Variants in ABCA13 observed in about 807,000 individuals in gnomAD.
ABCA13 encodes ATP-binding cassette sub-family A member 13.
A neutral mutation model predicts 478.7 loss-of-function variants in ABCA13; 476 were observed. The ratio of observed to expected loss-of-function variants is 0.99; its 90% confidence interval spans 0.92 to 1.07. ABCA13 has a LOEUF of 1.07. Ranked by LOEUF, ABCA13 falls within the 50% of genes least tolerant of loss-of-function variation. The pLI, the probability that ABCA13 is intolerant of heterozygous loss-of-function variation, is 0.00. For synonymous variants in ABCA13, 2,252 were observed against 2,158.9 expected (o/e 1.04, Z -1.20); for missense variants, 6,060 against 5,910.6 (o/e 1.03, Z -0.83).
chr7:48,416,842 T>G (rs1036125926), intron 41 of ABCA13, among the ~76,000 whole-genome samples: 3 of 152,014 alleles, frequency 2.0e-5, no homozygotes, highest in African/African-American at 7.2e-5. Context: ...CTCTCTTCCC[T>G]ACAGAGCTCG....
intron 24 of ABCA13, among the ~76,000 whole-genome samples, chr7:48,311,537 AG>A (rs1173215308): frequency 1.3e-5 from 2 of 152,168 alleles, no homozygotes; most frequent in Admixed American, 6.5e-5. Context: ...ATGTGCACAA[AG>A]GTCCCCGATT....
At chr7:48,474,368 G>T (rs1827849683) in intron 45 of ABCA13, among the ~76,000 whole-genome samples, 1 of 152,158 alleles carries the variant, frequency 6.6e-6, no homozygotes, top group South Asian at 2.1e-4. Context: ...GCCAGGGAGA[G>T]AGAAATTAGG....
intron 58 of ABCA13, among the ~76,000 whole-genome samples, chr7:48,607,428 G>GA (rs71006569): frequency 1 from 152,281 of 152,282 alleles, 76,140 homozygotes; most frequent in Non-Finnish European, 1. Context: ...TGGAAATGCA[G>GA]AATCACCCAC....
At chr7:48,614,339 A>G (rs945190990) in intron 58 of ABCA13, among the ~76,000 whole-genome samples, 6 of 151,406 alleles carry the variant, frequency 4.0e-5, no homozygotes, top group African/African-American at 1.4e-4. Flanking sequence ...GTATAAGAAA[A>G]TACTGATTTT....
At chr7:48,403,541 G>A (rs978547904) in intron 38 of ABCA13, 142 bp from the exon 39 acceptor site, 19 of 809,658 alleles carry the variant, frequency 2.3e-5, no homozygotes, top group Non-Finnish European at 2.9e-5. Context: ...TGAGACTCAC[G>A]TGTGTGTAGC....
At chr7:48,644,569 A>G in intron 60 of ABCA13, 48 bp from the exon 61 acceptor site, 1 of 1,540,162 alleles carries the variant, frequency 6.5e-7, no homozygotes, top group Non-Finnish European at 8.7e-7. Context: ...ATTTTGTTTA[A>G]TAATGCTAGT....
At chr7:48,329,830 C>T (rs542028151) in intron 27 of ABCA13, among the ~76,000 whole-genome samples, 1 of 151,878 alleles carries the variant, frequency 6.6e-6, no homozygotes, top group Admixed American at 6.6e-5. Context: ...TCTATTCATT[C>T]ATCCATCTAT....
chr7:48,464,391 A>G (rs1009736339), intron 43 of ABCA13, among the ~76,000 whole-genome samples: 1 of 152,212 alleles, frequency 6.6e-6, no homozygotes, highest in African/African-American at 2.4e-5. Flanking sequence ...GTTTCTGGCC[A>G]CAGCTGTAGG....
At chr7:48,330,294 C>T (rs902561307) in intron 27 of ABCA13, among the ~76,000 whole-genome samples, 1 of 151,602 alleles carries the variant, frequency 6.6e-6, no homozygotes, top group Non-Finnish European at 1.5e-5. Flanking sequence ...TCTGTCCATT[C>T]ATCTATCCAT....
intron 47 of ABCA13, among the ~76,000 whole-genome samples, chr7:48,488,928 A>G (rs1829589992): frequency 6.6e-6 from 1 of 152,218 alleles, no homozygotes; most frequent in South Asian, 2.1e-4. Flanking sequence ...CTAACTGAGA[A>G]AGAAAAAAAA....
chr7:48,388,108 C>T, intron 36 of ABCA13, 149 bp downstream of exon 36: 1 of 805,206 alleles, frequency 1.2e-6, no homozygotes, highest in Admixed American at 3.5e-5. Flanking sequence ...TGGGAAACAG[C>T]TGCAAGCCCA....
chr7:48,482,460 C>T (rs925179885), intron 46 of ABCA13, among the ~76,000 whole-genome samples: 1 of 151,996 alleles, frequency 6.6e-6, no homozygotes, highest in Non-Finnish European at 1.5e-5. Context: ...CCACTGTAAC[C>T]TCCGCCTCCC....
At chr7:48,226,625 A>G (rs1186633434) in intron 5 of ABCA13, among the ~76,000 whole-genome samples, 4 of 152,206 alleles carry the variant, frequency 2.6e-5, no homozygotes, top group African/African-American at 4.8e-5. Context: ...AGTGTGGGGT[A>G]GTTGTTACTG....
chr7:48,422,245 A>C (rs1010876906), intron 41 of ABCA13, among the ~76,000 whole-genome samples: 7 of 150,496 alleles, frequency 4.7e-5, no homozygotes, highest in Non-Finnish European at 7.4e-5. Flanking sequence ...CAGTATTTTG[A>C]GGATTCTTCA....
At chr7:48,395,227 C>T (rs973943096) in intron 38 of ABCA13, among the ~76,000 whole-genome samples, 1 of 152,208 alleles carries the variant, frequency 6.6e-6, no homozygotes, top group Admixed American at 6.5e-5. Context: ...TTCACACACT[C>T]TCTCCAGTTG....
At chr7:48,561,332 A>C (rs1332057156) in intron 55 of ABCA13, among the ~76,000 whole-genome samples, 2 of 152,060 alleles carry the variant, frequency 1.3e-5, no homozygotes, top group Non-Finnish European at 2.9e-5. Flanking sequence ...TTTCTCTTTC[A>C]TAATGTTTAT....
At position 48,425,425 on chromosome 7, in the gene ABCA13, A is replaced by T. The variant is rs539702981; in HGVS notation, c.12460-2341A>T. 5.3e-5 allele frequency among the ~76,000 whole-genome samples: 8 copies of T among 152,360 alleles called. No individual in the cohort carries two copies. In the East Asian group the frequency reaches 1.5e-3, roughly 29 times the overall value. On this transcript the variant is annotated intron_variant, in intron 41 of 61. Transcript: ENST00000435803. ...AAGATATAAAGGAAAATCTTTAGTCAATGAATAATTCTTGATTTTCACTAT... is the reference window on the plus strand; with the variant it reads ...AAGATATAAAGGAAAATCTTTAGTCTATGAATAATTCTTGATTTTCACTAT...
intron 45 of ABCA13, among the ~76,000 whole-genome samples, chr7:48,476,621 C>T (rs1828122929): frequency 6.6e-6 from 1 of 152,118 alleles, no homozygotes. Context: ...GAGGCTGACC[C>T]CATCGTGGAT....
At chr7:48,627,324 A>G (rs1015401584) in intron 59 of ABCA13, among the ~76,000 whole-genome samples, 1 of 152,204 alleles carries the variant, frequency 6.6e-6, no homozygotes. Flanking sequence ...CTAAAGAACA[A>G]AGCTTTGCTT....
Sources: gnomAD v4.1 joint callset for allele counts (sites outside exome capture counted in the v4.1 genomes callset) on GRCh38, gnomAD v4.1.1 for gene constraint, MANE v1.5 for transcripts, NCBI Gene and HGNC (gene_info 2026-07-23, HGNC 2026-07-21) for gene names.